The following DOCK1 variants were observed in gnomAD, a reference collection of about 807,000 sequenced individuals.
The protein encoded by DOCK1 is dedicator of cytokinesis protein 1.
Under a neutral mutation model 262.7 loss-of-function variants are expected in DOCK1, and 138 were observed. The observed-to-expected ratio is 0.53, with a 90% CI of 0.46 to 0.61. The LOEUF (loss-of-function observed/expected upper bound fraction) is 0.61. Ranked by LOEUF, DOCK1 falls within the 20% of genes least tolerant of loss-of-function variation. DOCK1 has a pLI of 0.00. For synonymous variants in DOCK1, 866 were observed against 867.4 expected (o/e 1.00, Z 0.03); for missense variants, 1,908 against 2,370.7 (o/e 0.80, Z 4.05).
At chr10:127,187,361 G>T (rs2056368942) in intron 27 of DOCK1, among the ~76,000 whole-genome samples, 1 of 152,214 alleles carries the variant, frequency 6.6e-6, no homozygotes. Context: ...CAGTACTGAT[G>T]ATCTGTGAAA....
At chr10:127,026,782 A>C (rs1049944927) in intron 16 of DOCK1, among the ~76,000 whole-genome samples, 1 of 152,160 alleles carries the variant, frequency 6.6e-6, no homozygotes, top group East Asian at 1.9e-4. Context: ...TTAGAATTGG[A>C]AATCTTGAAC....
intron 21 of DOCK1, among the ~76,000 whole-genome samples, chr10:127,045,422 TC>T (rs1274289887): frequency 6.6e-6 from 1 of 152,122 alleles, no homozygotes; most frequent in Non-Finnish European, 1.5e-5. Flanking sequence ...GAAGGTCGCC[TC>T]CGCATTGGTG....
intron 29 of DOCK1, among the ~76,000 whole-genome samples, chr10:127,326,505 G>A (rs1248110763): frequency 6.6e-6 from 1 of 152,178 alleles, no homozygotes; most frequent in East Asian, 1.9e-4. Flanking sequence ...CAGCAATTCA[G>A]TCACATCTTC....
chr10:126,944,516 A>C (rs2035250936), intron 1 of DOCK1, among the ~76,000 whole-genome samples: 1 of 152,082 alleles, frequency 6.6e-6, no homozygotes, highest in African/African-American at 2.4e-5. Context: ...GAGGGTTTGG[A>C]AAGTGAGGAG....
chr10:127,036,561 A>G (rs2135571774), intron 18 of DOCK1, among the ~76,000 whole-genome samples: 1 of 152,194 alleles, frequency 6.6e-6, no homozygotes, highest in South Asian at 2.1e-4. Context: ...ACGGTAAATT[A>G]GATGTACTTT....
At chr10:127,373,497 CCTATGGTTT>C (rs1211672710) in intron 33 of DOCK1, among the ~76,000 whole-genome samples, 2 of 151,704 alleles carry the variant, frequency 1.3e-5, no homozygotes, top group East Asian at 3.9e-4. Context: ...TTTTTTTCCC[CCTATGGTTT>C]CCTTGTCTTT....
intron 38 of DOCK1, among the ~76,000 whole-genome samples, chr10:127,392,491 T>C (rs536518448): frequency 1.4e-4 from 21 of 152,070 alleles, no homozygotes; most frequent in Non-Finnish European, 4.4e-5. Context: ...CATGGAACAG[T>C]GAGTACAGCC....
intron 23 of DOCK1, among the ~76,000 whole-genome samples, chr10:127,095,264 T>A (rs1030477825): frequency 2.6e-5 from 4 of 152,188 alleles, no homozygotes; most frequent in Admixed American, 6.5e-5. Context: ...TAGCTAGTCA[T>A]CTGCAAGGCA....
chr10:126,960,775 C>T (rs1300950941), intron 1 of DOCK1, among the ~76,000 whole-genome samples: 42 of 113,538 alleles, frequency 3.7e-4, no homozygotes, highest in African/African-American at 1.3e-3. Context: ...CACATATATA[C>T]GTATATATGT....
At chr10:127,093,242 C>CTTTTTTTTTTTTTTTTTTTTT (rs200302331) in intron 23 of DOCK1, among the ~76,000 whole-genome samples, 2 of 79,342 alleles carry the variant, frequency 2.5e-5, no homozygotes, top group Non-Finnish European at 4.4e-5. Flanking sequence ...TTTCTTTCTT[C>CTTTTTTTTTTTTTTTTTTTTT]TTTTTTTTTT....
At chr10:127,344,862 C>A (rs566730643) in intron 31 of DOCK1, among the ~76,000 whole-genome samples, 1 of 152,196 alleles carries the variant, frequency 6.6e-6, no homozygotes, top group East Asian at 1.9e-4. Flanking sequence ...CATGGCAAGA[C>A]CCCCTTTCAA....
intron 29 of DOCK1, among the ~76,000 whole-genome samples, chr10:127,298,744 G>C (rs1564973981): frequency 6.6e-6 from 1 of 152,200 alleles, no homozygotes; most frequent in Non-Finnish European, 1.5e-5. Flanking sequence ...ATATTACAAA[G>C]CCCAGGGCCT....
chr10:126,927,404 C>T (rs898457871), intron 1 of DOCK1, among the ~76,000 whole-genome samples: 5 of 152,152 alleles, frequency 3.3e-5, no homozygotes, highest in Admixed American at 1.3e-4. Flanking sequence ...ATGATCTCTT[C>T]CTTTCTTTCC....
chr10:127,114,371 A>C (rs1309306975), intron 25 of DOCK1, among the ~76,000 whole-genome samples: 1 of 152,192 alleles, frequency 6.6e-6, no homozygotes, highest in African/African-American at 2.4e-5. Context: ...TTGGATTCAC[A>C]TGGGGAAATT....
intron 25 of DOCK1, among the ~76,000 whole-genome samples, chr10:127,120,309 G>C (rs959413482): frequency 3.3e-5 from 5 of 152,164 alleles, no homozygotes; most frequent in African/African-American, 1.2e-4. Context: ...TCACATACAA[G>C]GTCTTTAACA....
At chr10:127,261,266 T>G (rs1275210932) in intron 29 of DOCK1, among the ~76,000 whole-genome samples, 1 of 139,206 alleles carries the variant, frequency 7.2e-6, no homozygotes, top group Non-Finnish European at 1.5e-5. Context: ...CATGTGGGTG[T>G]GTGTGTGTGC....
intron 27 of DOCK1, among the ~76,000 whole-genome samples, chr10:127,206,186 C>G (rs1450900914): frequency 7.2e-6 from 1 of 138,004 alleles, no homozygotes; most frequent in Admixed American, 7.8e-5. Context: ...CTCTGTTGCC[C>G]AGGCTATAGT....
chr10:127,136,067 A>T (rs2133204296), intron 27 of DOCK1: 1 of 152,606 alleles, frequency 6.6e-6, no homozygotes, highest in East Asian at 1.9e-4. Context: ...ATATTCAGGG[A>T]TTCGAACTTC....
intron 27 of DOCK1, among the ~76,000 whole-genome samples, chr10:127,164,236 T>C (rs1482722601): frequency 7.9e-6 from 1 of 125,986 alleles, no homozygotes; most frequent in African/African-American, 3.0e-5. Context: ...CAGGCTGGAG[T>C]GCAGAGGTGC....
Sources: allele counts gnomAD v4.1 joint callset (sites outside exome capture counted in the v4.1 genomes callset), GRCh38; gene constraint gnomAD v4.1.1; transcripts MANE v1.5; gene names NCBI Gene and HGNC (gene_info 2026-07-23, HGNC 2026-07-21).